Variants in FHIT observed in about 807,000 individuals in gnomAD.
FHIT encodes bis(5'-adenosyl)-triphosphatase.
In FHIT, 19 loss-of-function variants were observed where a neutral mutation model predicts 17.9. The ratio of observed to expected loss-of-function variants is 1.06; its 90% confidence interval spans 0.74 to 1.56. FHIT has a LOEUF of 1.56. FHIT is among the 40% of genes most tolerant of loss of function. The probability of loss-of-function intolerance (pLI) is 0.00; values close to 1 mark genes in which losing one functional copy is unlikely to be tolerated. For missense variants in FHIT, 248 were observed against 189.2 expected (o/e 1.31, Z -1.82); for synonymous variants, 81 against 69.7 (o/e 1.16, Z -0.81).
rs1421021450 is a variant in FHIT at position 60,516,877 on chromosome 3, T to C, written c.103+19983A>G. 2.0e-5 allele frequency among the ~76,000 whole-genome samples: 3 copies of C among 152,170 alleles called. No individual in the cohort carries two copies. In the East Asian group the frequency reaches 5.8e-4, roughly 29 times the overall value. ...ACCCATGTTATAATAGGGATAATTA[T>C]AATAGGAGCTTCAGTAAATTGAGAA... On this transcript the variant is annotated intron_variant, in intron 5 of 9. Coordinates refer to ENST00000492590, the MANE Select transcript of FHIT (RefSeq NM_002012.4).
intron 2 of FHIT, among the ~76,000 whole-genome samples, chr3:61,191,538 CT>C (rs1449439593): frequency 6.6e-6 from 1 of 152,086 alleles, no homozygotes; most frequent in African/African-American, 2.4e-5. Flanking sequence ...AATAAATAAC[CT>C]TTTGGTTCTG....
intron 5 of FHIT, among the ~76,000 whole-genome samples, chr3:60,438,636 ACT>A (rs1347280417): frequency 2.0e-5 from 3 of 152,190 alleles, no homozygotes; most frequent in Admixed American, 6.5e-5. Flanking sequence ...AAAATTACAC[ACT>A]GTTAACTTAA....
chr3:60,690,368 T>C, intron 4 of FHIT: 1 of 575,022 alleles, frequency 1.7e-6, no homozygotes, highest in Non-Finnish European at 3.4e-6. Flanking sequence ...CACTTGGTCT[T>C]GGCAGGGCAC....
At chr3:60,502,640 C>T (rs955088792) in intron 5 of FHIT, among the ~76,000 whole-genome samples, 2 of 152,256 alleles carry the variant, frequency 1.3e-5, no homozygotes, top group East Asian at 3.9e-4. Context: ...TTATTGCCTA[C>T]CATGTACCAG....
chr3:59,892,181 A>G (rs1055711699), intron 8 of FHIT, among the ~76,000 whole-genome samples: 3 of 152,216 alleles, frequency 2.0e-5, no homozygotes, highest in Non-Finnish European at 4.4e-5. Flanking sequence ...TTTTTACATC[A>G]TCGGGAGGGA....
chr3:60,268,410 G>A (rs952441577), intron 5 of FHIT, among the ~76,000 whole-genome samples: 4 of 152,098 alleles, frequency 2.6e-5, no homozygotes, highest in Non-Finnish European at 4.4e-5. Context: ...TCTTGTTTAT[G>A]GCTGTATATC....
At chr3:60,941,776 A>C (rs555439774) in intron 3 of FHIT, among the ~76,000 whole-genome samples, 1 of 152,048 alleles carries the variant, frequency 6.6e-6, no homozygotes, top group Admixed American at 6.5e-5. Context: ...TTCATACCAC[A>C]CTGCTTTGAT....
chr3:60,713,156 A>G (rs1243404430), intron 4 of FHIT, among the ~76,000 whole-genome samples: 1 of 152,216 alleles, frequency 6.6e-6, no homozygotes, highest in Non-Finnish European at 1.5e-5. Context: ...TGGAAACTGA[A>G]CAACCTGTTC....
At chr3:60,096,876 T>C (rs1703971310) in intron 5 of FHIT, among the ~76,000 whole-genome samples, 1 of 151,978 alleles carries the variant, frequency 6.6e-6, no homozygotes, top group African/African-American at 2.4e-5. Context: ...GGAATGACTT[T>C]AGGGTATAAA....
intron 4 of FHIT, among the ~76,000 whole-genome samples, chr3:60,697,442 A>G (rs934070747): frequency 1.3e-5 from 2 of 152,092 alleles, no homozygotes; most frequent in Non-Finnish European, 2.9e-5. Flanking sequence ...ATATTTCACA[A>G]TTTTATTTAA....
chr3:60,017,298 A>G (rs1700378895), intron 5 of FHIT, among the ~76,000 whole-genome samples: 1 of 152,244 alleles, frequency 6.6e-6, no homozygotes. Context: ...AGGAGGCCTC[A>G]GCACTGGGCA....
intron 4 of FHIT, among the ~76,000 whole-genome samples, chr3:60,569,755 A>ATATATATATATATATATATTT: frequency 1.3e-3 from 100 of 77,264 alleles, no homozygotes; most frequent in African/African-American, 4.5e-3. Flanking sequence ...ATATATATAT[A>ATATATATATATATATATATTT]TTTTTTTTTT....
At chr3:59,765,814 T>G (rs1453766660) in intron 8 of FHIT, among the ~76,000 whole-genome samples, 1 of 152,108 alleles carries the variant, frequency 6.6e-6, no homozygotes, top group Non-Finnish European at 1.5e-5. Context: ...ATAGATAGAA[T>G]CTAGTAATGA....
At chr3:60,999,178 AG>A (rs1342367883) in intron 3 of FHIT, among the ~76,000 whole-genome samples, 3 of 152,180 alleles carry the variant, frequency 2.0e-5, no homozygotes, top group African/African-American at 7.2e-5. Flanking sequence ...AGCCACATGG[AG>A]AATACAATGC....
At chr3:60,202,380 G>C (rs1001816705) in intron 5 of FHIT, among the ~76,000 whole-genome samples, 1 of 152,170 alleles carries the variant, frequency 6.6e-6, no homozygotes, top group Non-Finnish European at 1.5e-5. Flanking sequence ...ACATTTTCCT[G>C]ACTCCTTTCA....
Position 60,289,448 on chromosome 3 carries a change from A to C in FHIT, c.103+247412T>G, listed in dbSNP as rs538374377. On this transcript the variant is annotated intron_variant, in intron 5 of 9. Transcript: ENST00000492590. ...CATGGCTCAAAGATCCTTGTGGATT[A>C]TAAAAGAGGAAACGACTAACAGAAA... is the stretch of plus-strand genomic sequence containing the variant. Among the ~76,000 whole-genome samples, 22 of 152,312 alleles carry C rather than the reference A, an allele frequency of 1.4e-4. 1 individual carries two copies. The South Asian group carries it at 4.6e-3, about 32-fold the overall frequency.
chr3:60,881,518 C>G (rs1162997029), intron 3 of FHIT, among the ~76,000 whole-genome samples: 1 of 152,072 alleles, frequency 6.6e-6, no homozygotes, highest in Admixed American at 6.6e-5. Flanking sequence ...TCCTCAAGGA[C>G]AGATCACAAA....
intron 4 of FHIT, among the ~76,000 whole-genome samples, chr3:60,661,023 A>G (rs2040235364): frequency 6.6e-6 from 1 of 151,878 alleles, no homozygotes; most frequent in African/African-American, 2.4e-5. Flanking sequence ...CTTTGGTGTT[A>G]AATCTAAGGA....
intron 8 of FHIT, among the ~76,000 whole-genome samples, chr3:59,876,455 C>CT (rs1703165612): frequency 1.2e-4 from 1 of 8,236 alleles, no homozygotes; most frequent in Non-Finnish European, 7.6e-4. Context: ...GTGGGAGCAG[C>CT]ACCCCTCCCC....
Sources: gnomAD v4.1 joint callset for allele counts (sites outside exome capture counted in the v4.1 genomes callset) on GRCh38, gnomAD v4.1.1 for gene constraint, MANE v1.5 for transcripts, NCBI Gene and HGNC (gene_info 2026-07-23, HGNC 2026-07-21) for gene names.